SLC25A26: variants seen among roughly 807,000 people sequenced by gnomAD.
SLC25A26 encodes solute carrier family 25 member 26, also known as mitochondrial S-adenosylmethionine carrier protein.
Under a neutral mutation model 37.8 loss-of-function variants are expected in SLC25A26, and 36 were observed. That is an observed-to-expected ratio of 0.95 (90% CI 0.73 to 1.26). The LOEUF (loss-of-function observed/expected upper bound fraction) is 1.26. SLC25A26 is among the 50% of genes most tolerant of loss of function. The pLI, the probability that SLC25A26 is intolerant of heterozygous loss-of-function variation, is 0.00. For missense variants in SLC25A26, 390 were observed against 331.1 expected (o/e 1.18, Z -1.38); for synonymous variants, 129 against 122.5 (o/e 1.05, Z -0.35).
At chr3:66,234,853 T>C (rs2072198973) in intron 1 of SLC25A26, among the ~76,000 whole-genome samples, 2 of 152,318 alleles carry the variant, frequency 1.3e-5, no homozygotes, top group Non-Finnish European at 1.5e-5. Flanking sequence ...AGTTTAAAAA[T>C]GTGTATTTTT....
At chr3:66,347,979 G>A (rs903046192) in intron 6 of SLC25A26, among the ~76,000 whole-genome samples, 1 of 152,140 alleles carries the variant, frequency 6.6e-6, no homozygotes, top group African/African-American at 2.4e-5. Flanking sequence ...CTGTTGTGGG[G>A]TGCAGGGGGA....
At chr3:66,190,066 C>T (rs1028414385) in intron 1 of SLC25A26, among the ~76,000 whole-genome samples, 2 of 152,128 alleles carry the variant, frequency 1.3e-5, no homozygotes, top group Non-Finnish European at 1.5e-5. Context: ...AATCCCGGCA[C>T]TTTGGGAGGC....
intron 6 of SLC25A26, among the ~76,000 whole-genome samples, chr3:66,352,428 G>T (rs7633612): frequency 0.021 from 2,691 of 126,268 alleles, 187 homozygotes; most frequent in African/African-American, 0.087. Flanking sequence ...CTCGTTTTTT[G>T]TTTTTTGTTT....
intron 5 of SLC25A26, among the ~76,000 whole-genome samples, chr3:66,336,826 T>C (rs575893690): frequency 1.3e-5 from 2 of 152,172 alleles, no homozygotes; most frequent in African/African-American, 4.8e-5. Flanking sequence ...TATGTATATG[T>C]GTGTGTGTGT....
intron 1 of SLC25A26, among the ~76,000 whole-genome samples, chr3:66,168,200 T>TACACACACAC (rs562006470): frequency 6.1e-5 from 7 of 115,482 alleles, no homozygotes; most frequent in African/African-American, 9.9e-5. Flanking sequence ...TATATATATA[T>TACACACACAC]ACACACACAC....
intron 4 of SLC25A26, 147 bp from the exon 5 acceptor site, chr3:66,263,185 A>G: frequency 4.5e-6 from 3 of 659,372 alleles, no homozygotes; most frequent in South Asian, 1.8e-5. Context: ...ACCTTAGGAC[A>G]GTTTAGAATC....
rs1238111891 is a variant in SLC25A26, at chr3:66,378,889, AAAATTTCTATAAAT to A, written c.*1087_*1100del. On this transcript the variant is annotated 3_prime_UTR_variant, in exon 10 of 10. Coordinates refer to ENST00000354883, the MANE Select transcript of SLC25A26 (RefSeq NM_001379210.1). ...CATGGTTTTCAATGTACACTGTACC[AAAATTTCTATAAAT>A]AAATAACTTTGTACATAAAAGTAAT... is the stretch of plus-strand genomic sequence containing the variant. 1 of 152,694 alleles carries A rather than the reference AAAATTTCTATAAAT, an allele frequency of 6.5e-6. No homozygotes were observed. The highest frequency in any genetic ancestry group is 1.5e-5 in the Non-Finnish European group (1 of 68,046). The allele number at this position is 152,694 out of a possible 1,614,324, so 9.5% of individuals were successfully genotyped here.
chr3:66,364,666 T>C (rs2076787079), intron 7 of SLC25A26, among the ~76,000 whole-genome samples: 2 of 152,046 alleles, frequency 1.3e-5, no homozygotes, highest in African/African-American at 4.8e-5. Context: ...CAAAACCGAG[T>C]CGATGTAAGG....
At position 66,142,829 on chromosome 3, in the gene SLC25A26, T is replaced by G. The variant is rs1006211680; in HGVS notation, c.-354+8845T>G. ...CCCAGGCTGGAGTACAGTGGTGTGA[T>G]CTTAGCTTGCTGTAACCCCAAATTC... On this transcript the variant is annotated intron_variant, in intron 1 of 10. Transcript: ENST00000676754. 2.4e-4 allele frequency among the ~76,000 whole-genome samples: 36 copies of G among 152,154 alleles called. 1 individual carries two copies. Among genetic ancestry groups the G allele is most frequent in the Non-Finnish European group, 2.9e-5 (2 of 68,022 alleles).
intron 1 of SLC25A26, among the ~76,000 whole-genome samples, chr3:66,234,794 A>G (rs1328241941): frequency 1.3e-5 from 2 of 152,196 alleles, no homozygotes; most frequent in African/African-American, 2.4e-5. Flanking sequence ...GTTCAATTGT[A>G]TGTTTGAATA....
intron 3 of SLC25A26, among the ~76,000 whole-genome samples, chr3:66,256,984 A>T (rs1259736519): frequency 1.3e-5 from 2 of 152,162 alleles, no homozygotes; most frequent in African/African-American, 4.8e-5. Flanking sequence ...CCTCCTGGCT[A>T]GTTTCATTTG....
chr3:66,261,005 C>T lies in SLC25A26; in HGVS notation c.301-1046C>T, dbSNP rs537346418. Among the ~76,000 whole-genome samples the T allele has an allele frequency of 1.1e-4, 16 of 152,270 alleles. No individual in the cohort carries two copies. In the East Asian group the frequency reaches 2.3e-3, roughly 22 times the overall value. Reference sequence around the variant, plus strand: ...TCTCTGATTAGGAATCAGGAGAATACGGATCATAAAGGGCAAACCTCTTTG... The same window carrying T: ...TCTCTGATTAGGAATCAGGAGAATATGGATCATAAAGGGCAAACCTCTTTG... On this transcript the variant is annotated intron_variant, in intron 3 of 9. Coordinates refer to ENST00000354883, the MANE Select transcript of SLC25A26 (RefSeq NM_001379210.1).
chr3:66,235,751 A>G (rs1392214459), intron 1 of SLC25A26, among the ~76,000 whole-genome samples: 1 of 152,246 alleles, frequency 6.6e-6, no homozygotes, highest in Non-Finnish European at 1.5e-5. Context: ...TTTTAAAGAA[A>G]ATGAGACTAT....
At chr3:66,239,331 T>C (rs151225362) in intron 2 of SLC25A26, among the ~76,000 whole-genome samples, 4,555 of 152,148 alleles carry the variant, frequency 0.03, 239 homozygotes, top group African/African-American at 0.1. Flanking sequence ...TCATGAATAC[T>C]GTGAAGGATT....
At chr3:66,288,382 G>A (rs1434332508) in intron 5 of SLC25A26, among the ~76,000 whole-genome samples, 1 of 152,172 alleles carries the variant, frequency 6.6e-6, no homozygotes, top group Non-Finnish European at 1.5e-5. Flanking sequence ...GTGCAGGTTT[G>A]TTACATAGGT....
At chr3:66,289,676 GTA>G (rs2074637801) in intron 5 of SLC25A26, among the ~76,000 whole-genome samples, 1 of 152,066 alleles carries the variant, frequency 6.6e-6, no homozygotes, top group Middle Eastern at 3.2e-3. Context: ...CCTTGGGTTT[GTA>G]TATGTGTTTT....
At chr3:66,228,878 C>T (rs2071881774) in intron 1 of SLC25A26, among the ~76,000 whole-genome samples, 1 of 152,194 alleles carries the variant, frequency 6.6e-6, no homozygotes, top group Admixed American at 6.5e-5. Flanking sequence ...TCCTGTCATG[C>T]ATCACATGAT....
intron 1 of SLC25A26, among the ~76,000 whole-genome samples, chr3:66,222,280 A>C (rs2071534758): frequency 6.7e-6 from 1 of 149,866 alleles, no homozygotes; most frequent in Non-Finnish European, 1.5e-5. Context: ...TCTCGGGTTC[A>C]CGCCATTCTC....
At chr3:66,147,051 TCCCTTCCCTTCCCTC>T (rs770073345) in intron 1 of SLC25A26, among the ~76,000 whole-genome samples, 2 of 101,444 alleles carry the variant, frequency 2.0e-5, no homozygotes, top group Non-Finnish European at 3.9e-5. Context: ...TATCTTCCCT[TCCCTTCCCTTCCCTC>T]CCCTTCCCTT....
Sources: allele counts gnomAD v4.1 joint callset (sites outside exome capture counted in the v4.1 genomes callset), GRCh38; gene constraint gnomAD v4.1.1; transcripts MANE v1.5; gene names NCBI Gene and HGNC (gene_info 2026-07-23, HGNC 2026-07-21).